Variants in CEP57L1 observed in about 807,000 individuals in gnomAD.
CEP57L1 encodes centrosomal protein 57 like 1.
A neutral mutation model predicts 61.0 loss-of-function variants in CEP57L1; 37 were observed. The ratio of observed to expected loss-of-function variants is 0.61; its 90% CI spans 0.47 to 0.80. CEP57L1 has a LOEUF of 0.80. Ranked by LOEUF, CEP57L1 falls within the 30% of genes least tolerant of loss-of-function variation. The pLI is 0.00. For missense variants in CEP57L1, 422 were observed against 524.7 expected (o/e 0.80, Z 1.91); for synonymous variants, 137 against 162.3 (o/e 0.84, Z 1.19).
Position 109,145,250 on chromosome 6 carries a change from T to C in CEP57L1, c.29T>C (p.Val10Ala), listed in dbSNP as rs895816804. The part of the protein sequence containing the change: MDSELMHSI[V>A]GSYHKPPERV... ...GATTCTGAATTAATGCATAGTATAG[T>C]AGGAAGCTATCATAAACCTCCAGAA... Residue 10 changes from valine (V) to alanine (A), a missense_variant, in exon 2 of 11, where the codon GTA (valine) becomes GCA (alanine). Transcript: ENST00000517392. 18 of 1,594,534 alleles carry C rather than the reference T, an allele frequency of 1.1e-5. No homozygotes were observed. Among genetic ancestry groups the C allele is most frequent in the Non-Finnish European group, 1.5e-5 (18 of 1,164,356 alleles).
chr6:109,114,640 T>C (rs1018725229), intron 1 of CEP57L1, among the ~76,000 whole-genome samples: 2 of 151,954 alleles, frequency 1.3e-5, no homozygotes, highest in African/African-American at 2.4e-5. Flanking sequence ...GTCAAAATCA[T>C]AGAAGTAGAG....
At position 109,163,186 on chromosome 6, in the gene CEP57L1, C is replaced by T. The variant is rs568539598; in HGVS notation, c.*216C>T. On this transcript the variant is annotated 3_prime_UTR_variant, in exon 11 of 11. Coordinates refer to ENST00000517392, the MANE Select transcript of CEP57L1 (RefSeq NM_001271852.3). ...TTTATTTTTCTTATTGATTGAAGCC[C>T]GTAACCTCATCTTGTCTTAGAAACA... 1.7e-5 allele frequency: 7 copies of T among 416,036 alleles called. No homozygotes were observed. In the South Asian group the frequency reaches 1.7e-4, roughly 10 times the overall value. 25.8% of individuals were successfully genotyped at this position (416,036 alleles called of 1,614,324 possible). A position where few individuals can be genotyped will look rare whatever the true frequency, so the allele number is the denominator to read the frequency against.
chr6:109,139,690 G>T (rs1281580549), intron 1 of CEP57L1, among the ~76,000 whole-genome samples: 2 of 152,118 alleles, frequency 1.3e-5, no homozygotes, highest in African/African-American at 2.4e-5. Flanking sequence ...GTTTCACCAT[G>T]TTGGCCAGGC....
In CEP57L1 at chr6:109,102,827, C is replaced by G. The variant is rs942024756; in HGVS notation, c.-4+7252C>G. Among the ~76,000 whole-genome samples, 26 of 152,034 alleles carry G rather than the reference C, an allele frequency of 1.7e-4. 1 individual carries two copies. Among genetic ancestry groups the G allele is most frequent in the African/African-American group, 6.0e-4 (25 of 41,380 alleles). ...ATTGGTGCCATTCTTCAAAACTGTT[C>G]CTTGAGAGAGAGACCTGAAGTCAGC... is the stretch of plus-strand genomic sequence containing the variant. On this transcript the variant is annotated intron_variant, in intron 1 of 10. Coordinates refer to ENST00000517392, the MANE Select transcript of CEP57L1 (RefSeq NM_001271852.3).
rs140253938 is a variant in CEP57L1, at chr6:109,130,405, A to C, written c.-3-14814A>C. On this transcript the variant is annotated intron_variant, in intron 1 of 10. Transcript: ENST00000517392. The stretch of plus-strand genomic sequence containing the variant: ...GTTCATCAAAATTGAAGCCTCTGTC[A>C]GAGTTTCCTTCCTTTTTAAGGCTGA... Among the ~76,000 whole-genome samples, 619 of 152,276 alleles carry C rather than the reference A, an allele frequency of 4.1e-3. 2 individuals carry two copies. Among genetic ancestry groups the C allele is most frequent in the Middle Eastern group, 0.034 (10 of 294 alleles).
rs1562165327 is a variant in CEP57L1 at position 109,168,835 on chromosome 6, A to G, written c.*5865A>G. On this transcript the variant is annotated 3_prime_UTR_variant, in exon 11 of 11. Transcript: ENST00000517392. The stretch of plus-strand genomic sequence containing the variant: ...GGTCACGAACTCCTGAGCTCAGGCA[A>G]TCTGCCCGCCTCAGTGTCCCAAAGT... 6.7e-6 allele frequency among the ~76,000 whole-genome samples: 1 copy of G among 149,572 alleles called. No homozygotes were observed.
chr6:109,098,122 TTTTCTCTCTCTCTC>T (rs1160599229), intron 1 of CEP57L1, among the ~76,000 whole-genome samples: 6 of 152,038 alleles, frequency 3.9e-5, no homozygotes, highest in African/African-American at 7.2e-5. Flanking sequence ...AAATGACTAC[TTTTCTCTCTCTCTC>T]TTTCTCTCTC....
At chr6:109,159,550 C>T (rs538110700) in intron 9 of CEP57L1, 88 bp downstream of exon 9, 79 of 1,256,240 alleles carry the variant, frequency 6.3e-5, no homozygotes, top group Admixed American at 3.1e-4. Context: ...TTCAGGCAAT[C>T]CTCCTGCCTC....
intron 1 of CEP57L1, among the ~76,000 whole-genome samples, chr6:109,138,369 A>G (rs1024916712): frequency 1.3e-5 from 2 of 152,154 alleles, no homozygotes; most frequent in Non-Finnish European, 2.9e-5. Flanking sequence ...TATTAGATAT[A>G]TTTTGAAGGT....
Position 109,124,338 on chromosome 6 carries a change from C to A in CEP57L1, c.-3-20881C>A, listed in dbSNP as rs113116949. Among the ~76,000 whole-genome samples, 3 of 152,284 alleles carry A rather than the reference C, an allele frequency of 2.0e-5. 1 individual carries two copies. The East Asian group carries it at 5.8e-4, about 29-fold the overall frequency. Reference sequence around the variant, plus strand: ...TCTTCTGCAATATTTAGGCACTATACGACTTTCCAGCTTTAGTAAATCACT... The same window carrying A: ...TCTTCTGCAATATTTAGGCACTATAAGACTTTCCAGCTTTAGTAAATCACT... On this transcript the variant is annotated intron_variant, in intron 1 of 10. Coordinates refer to ENST00000517392, the MANE Select transcript of CEP57L1 (RefSeq NM_001271852.3).
intron 1 of CEP57L1, among the ~76,000 whole-genome samples, chr6:109,099,708 C>A (rs1329797450): frequency 6.6e-6 from 1 of 152,124 alleles, no homozygotes; most frequent in Non-Finnish European, 1.5e-5. Context: ...CGCCACCATG[C>A]CCGGCTAATT....
Position 109,136,470 on chromosome 6 carries a change from C to T in CEP57L1, c.-3-8749C>T, listed in dbSNP as rs551876616. On this transcript the variant is annotated intron_variant, in intron 1 of 10. Coordinates refer to ENST00000517392, the MANE Select transcript of CEP57L1 (RefSeq NM_001271852.3). Reference sequence around the variant, plus strand: ...TAGGAGATAAACCTAATGTAAATGACGAGTTAATGGGTGCAGCCCACGAAC... The same window carrying T: ...TAGGAGATAAACCTAATGTAAATGATGAGTTAATGGGTGCAGCCCACGAAC... Among the ~76,000 whole-genome samples the T allele has an allele frequency of 8.0e-5, 12 of 150,534 alleles. No homozygotes were observed. In the East Asian group the frequency reaches 1.4e-3, roughly 17 times the overall value.
At chr6:109,126,300 TA>T (rs904559743) in intron 1 of CEP57L1, among the ~76,000 whole-genome samples, 3 of 152,208 alleles carry the variant, frequency 2.0e-5, no homozygotes, top group African/African-American at 7.2e-5. Flanking sequence ...ATTGATACTC[TA>T]AATCTCCAGC....
chr6:109,170,397 T>TTTG lies in CEP57L1; in HGVS notation c.*7448_*7450dup, dbSNP rs200058274. Among the ~76,000 whole-genome samples the TTTG allele has an allele frequency of 4.6e-3, 695 of 152,020 alleles. 5 individuals are homozygous for TTTG. Among genetic ancestry groups the TTTG allele is most frequent in the African/African-American group, 0.013 (529 of 41,482 alleles). On this transcript the variant is annotated 3_prime_UTR_variant, in exon 11 of 11. Coordinates refer to ENST00000517392, the MANE Select transcript of CEP57L1 (RefSeq NM_001271852.3). ...GGTTCTAAAAAACCTTGAGAGGCAT[T>TTTG]TTGTTGTTGTTGTTGTTGTTGTTAG...
chr6:109,145,448 G>A, intron 2 of CEP57L1, 67 bp downstream of exon 2: 4 of 1,083,456 alleles, frequency 3.7e-6, no homozygotes, highest in Non-Finnish European at 5.2e-6. Flanking sequence ...TATTTATGTG[G>A]AATACAATAT....
intron 1 of CEP57L1, among the ~76,000 whole-genome samples, chr6:109,112,401 G>T (rs1286333814): frequency 6.6e-6 from 1 of 152,006 alleles, no homozygotes; most frequent in Non-Finnish European, 1.5e-5. Flanking sequence ...GCGTCTATTT[G>T]ATTCTTCTCT....
At chr6:109,098,336 A>G (rs1450910764) in intron 1 of CEP57L1, among the ~76,000 whole-genome samples, 1 of 152,144 alleles carries the variant, frequency 6.6e-6, no homozygotes, top group Non-Finnish European at 1.5e-5. Context: ...TAGTAGAGAC[A>G]GGGTTTCACC....
rs1399712448 is a variant in CEP57L1, at chr6:109,169,346, G to A, written c.*6376G>A. Among the ~76,000 whole-genome samples, 1 of 152,048 alleles carries A rather than the reference G, an allele frequency of 6.6e-6. No individual in the cohort carries two copies. Among genetic ancestry groups the A allele is most frequent in the East Asian group, 1.9e-4 (1 of 5,194 alleles). On this transcript the variant is annotated 3_prime_UTR_variant, in exon 11 of 11. Transcript: ENST00000517392. ...AATGTAGCCCTAAATGTTTTTTAGGGAAGAAAAAGTTGGCTTTTAATAAGT... is the reference window on the plus strand; with the variant it reads ...AATGTAGCCCTAAATGTTTTTTAGGAAAGAAAAAGTTGGCTTTTAATAAGT...
At chr6:109,125,030 AG>A (rs1485701680) in intron 1 of CEP57L1, 1 of 152,186 alleles carries the variant, frequency 6.6e-6, no homozygotes, top group Non-Finnish European at 1.5e-5. Context: ...TGCTAGAAAC[AG>A]GTAGGTAGAC....
Sources: gnomAD v4.1 joint callset for allele counts (sites outside exome capture counted in the v4.1 genomes callset) on GRCh38, gnomAD v4.1.1 for gene constraint, MANE v1.5 for transcripts, NCBI Gene and HGNC (gene_info 2026-07-23, HGNC 2026-07-21) for gene names.